The following SCGB1D4 variants were observed in gnomAD, a reference collection of about 807,000 sequenced individuals.
SCGB1D4 encodes IFN-gamma inducible SCGB (IIS).
A neutral mutation model predicts 8.1 loss-of-function variants in SCGB1D4; 6 were observed. The observed-to-expected ratio is 0.74, with a 90% confidence interval of 0.40 to 1.45. SCGB1D4 has a LOEUF of 1.45. Among genes scored for constraint, SCGB1D4 ranks in the 40% most tolerant of loss-of-function variants. The probability of loss-of-function intolerance (pLI) is 0.02; values close to 1 mark genes in which losing one functional copy is unlikely to be tolerated. For missense variants in SCGB1D4, 93 were observed against 95.0 expected (o/e 0.98, Z 0.09); for synonymous variants, 34 against 38.1 (o/e 0.89, Z 0.39).
intron 2 of SCGB1D4, 61 bp downstream of exon 2, chr11:62,297,411 T>G (rs1000592393): frequency 2.8e-5 from 36 of 1,295,292 alleles, no homozygotes; most frequent in Non-Finnish European, 3.5e-5. Flanking sequence ...ACAAGAAACA[T>G]GCAGGAGGCT....
At chr11:62,298,215 C>G (rs551893048) in intron 1 of SCGB1D4, among the ~76,000 whole-genome samples, 2 of 151,854 alleles carry the variant, frequency 1.3e-5, no homozygotes, top group African/African-American at 4.8e-5. Flanking sequence ...CAACCATAAC[C>G]TTACTTCATT....
chr11:62,297,085 T>G (rs879663134), intron 2 of SCGB1D4, among the ~76,000 whole-genome samples: 163 of 151,680 alleles, frequency 1.1e-3, no homozygotes, highest in Middle Eastern at 0.01. Context: ...GGATGAGGAG[T>G]GGATAGTGGG....
chr11:62,297,011 G>A (rs1377975643), intron 2 of SCGB1D4, among the ~76,000 whole-genome samples: 1 of 152,244 alleles, frequency 6.6e-6, no homozygotes. Flanking sequence ...CACTTGTGTG[G>A]CGTTGCAGTA....
At position 62,297,444 on chromosome 11, in the gene SCGB1D4, G is replaced by C. The variant is rs370576643; in HGVS notation, c.242+28C>G. 4.5e-6 allele frequency: 7 copies of C among 1,548,744 alleles called. No individual in the cohort carries two copies. In the African/African-American group the frequency reaches 9.6e-5, roughly 21 times the overall value. On this transcript the variant is annotated intron_variant, in intron 2 of 2. Transcript: ENST00000358585. ...GCTGTGTGCAGCTGAGTTGAATTCT[G>C]CCTCTGCATAAAGGAGAAAGAAATT...
intron 2 of SCGB1D4, among the ~76,000 whole-genome samples, chr11:62,296,735 C>T (rs970050325): frequency 6.6e-6 from 1 of 152,172 alleles, no homozygotes; most frequent in African/African-American, 2.4e-5. Context: ...TGTCCCAGGT[C>T]TGTGGAGTCT....
chr11:62,297,478 T>C lies in SCGB1D4; in HGVS notation c.236A>G (p.Lys79Arg), dbSNP rs764603785. 6.2e-7 allele frequency: 1 copy of C among 1,610,898 alleles called. No homozygotes were observed. The highest frequency in any genetic ancestry group is 1.7e-5 in the Admixed American group (1 of 59,560). The change falls in exon 2 of 3, where the codon AAG (lysine) becomes AGG (arginine). Residue 79 changes from lysine (K) to arginine (R), a missense_variant. Physicochemically the swap from Lys to Arg is conservative, Grantham distance 26 (BLOSUM62 2). Coordinates refer to ENST00000358585, the MANE Select transcript of SCGB1D4 (RefSeq NM_206998.2). ...TAAAGGAGAAAGAAATTACCAGGAC[T>C]TTTTCAATGAGAGTCGTTTCTTAAA... ...ISFKKRLSLKKSWWK is the reference protein window; with the variant it reads ...ISFKKRLSLKRSWWK
intron 1 of SCGB1D4, 82 bp from the exon 2 acceptor site, chr11:62,297,740 G>T: frequency 1.8e-6 from 2 of 1,127,132 alleles, no homozygotes; most frequent in Non-Finnish European, 1.3e-6. Context: ...CACCAGACAG[G>T]ATCCCCTGGG....
chr11:62,297,439 A>T, intron 2 of SCGB1D4, 33 bp downstream of exon 2: 1 of 1,537,734 alleles, frequency 6.5e-7, no homozygotes, highest in South Asian at 1.1e-5. Context: ...GCTGAGTTGA[A>T]TTCTGCCTCT....
intron 1 of SCGB1D4, 42 bp from the exon 2 acceptor site, chr11:62,297,700 C>A: frequency 1.3e-6 from 2 of 1,551,312 alleles, no homozygotes; most frequent in South Asian, 2.3e-5. Context: ...TTAGGAAAGT[C>A]GATTTTTCTC....
In SCGB1D4 at chr11:62,296,415, T is replaced by C; in HGVS notation, c.247A>G (p.Lys83Glu). 1 of 1,607,182 alleles carries C rather than the reference T, an allele frequency of 6.2e-7. No individual in the cohort carries two copies. Among genetic ancestry groups the C allele is most frequent in the Non-Finnish European group, 8.5e-7 (1 of 1,176,518 alleles). ...KRLSLKKSWWK is the reference protein window; with the variant it reads ...KRLSLKKSWWE ...TCACACACCACATTTTTTCACTATTTCCACCTGAAATCAAAAAAAAGAAAG... is the reference window on the plus strand; with the variant it reads ...TCACACACCACATTTTTTCACTATTCCCACCTGAAATCAAAAAAAAGAAAG... The change falls in exon 3 of 3, where the codon AAA (lysine) becomes GAA (glutamate). Residue 83 changes from lysine (K) to glutamate (E), a missense_variant. Lys to Glu is a moderately conservative substitution (Grantham distance 56). Coordinates refer to ENST00000358585, the MANE Select transcript of SCGB1D4 (RefSeq NM_206998.2).
intron 2 of SCGB1D4, among the ~76,000 whole-genome samples, chr11:62,297,139 C>T (rs1206610091): frequency 1.3e-5 from 2 of 152,176 alleles, no homozygotes; most frequent in African/African-American, 4.8e-5. Flanking sequence ...AGAAGCTGCA[C>T]AGGAGCCCAG....
intron 1 of SCGB1D4, among the ~76,000 whole-genome samples, chr11:62,297,916 C>T (rs779998234): frequency 6.6e-5 from 10 of 151,936 alleles, no homozygotes; most frequent in Non-Finnish European, 1.5e-4. Flanking sequence ...GGCACAATCT[C>T]GGCTCACTGC....
Position 62,297,653 on chromosome 11 carries a change from C to G in SCGB1D4, c.61G>C (p.Ala21Pro). The G allele has an allele frequency of 6.2e-7, 1 of 1,610,772 alleles. No individual in the cohort carries two copies. The highest frequency in any genetic ancestry group is 8.5e-7 in the Non-Finnish European group (1 of 1,178,942). Reference sequence around the variant, plus strand: ...GAAGCAACAGCTGGGCAGACAAGAGCATGGGCTGCAGCACAAAAATAAAAA... The same window carrying G: ...GAAGCAACAGCTGGGCAGACAAGAGGATGGGCTGCAGCACAAAAATAAAAA... Reference protein sequence around the residue: ...SLALCCYQAHALVCPAVASEI... With the variant: ...SLALCCYQAHPLVCPAVASEI... The change falls in exon 2 of 3, where the codon GCT becomes CCT. Residue 21 changes from alanine to proline, a missense_variant. By Grantham distance (27) the Ala-to-Pro change is conservative. Transcript: ENST00000358585.
chr11:62,297,663 A>G lies in SCGB1D4; in HGVS notation c.56-5T>C. The G allele has an allele frequency of 3.7e-6, 6 of 1,607,714 alleles. No individual in the cohort carries two copies. The highest frequency in any genetic ancestry group is 5.1e-6 in the Non-Finnish European group (6 of 1,177,632). On this transcript the variant is annotated splice_polypyrimidine_tract_variant and splice_region_variant and intron_variant, in intron 1 of 2. Coordinates refer to ENST00000358585, the MANE Select transcript of SCGB1D4 (RefSeq NM_206998.2). ...CTGGGCAGACAAGAGCATGGGCTGC[A>G]GCACAAAAATAAAAATATTGTTGAT...
At chr11:62,298,548 C>T (rs898930600) in intron 1 of SCGB1D4, among the ~76,000 whole-genome samples, 6 of 152,032 alleles carry the variant, frequency 3.9e-5, no homozygotes, top group African/African-American at 1.2e-4. Context: ...CATCTGAGGT[C>T]GGGAGTTCGA....
chr11:62,297,385 C>A (rs1945448851), intron 2 of SCGB1D4, 87 bp downstream of exon 2: 4 of 1,060,472 alleles, frequency 3.8e-6, no homozygotes, highest in South Asian at 1.5e-5. Context: ...GACACAGCAT[C>A]CAGGCAGGTG....
chr11:62,299,047 G>A lies in SCGB1D4; in HGVS notation c.-37C>T. 1 of 1,605,138 alleles carries A rather than the reference G, an allele frequency of 6.2e-7. No individual in the cohort carries two copies. The highest frequency in any genetic ancestry group is 8.5e-7 in the Non-Finnish European group (1 of 1,173,692). ...CGGCTGTGAGCTCAGCTTTCACAAT[G>A]AGTGATTTGGATTCGACTCCAGGAG... On this transcript the variant is annotated 5_prime_UTR_variant, in exon 1 of 3. Transcript: ENST00000358585.
chr11:62,297,943 G>T (rs1945456001), intron 1 of SCGB1D4, among the ~76,000 whole-genome samples: 1 of 151,630 alleles, frequency 6.6e-6, no homozygotes, highest in South Asian at 2.1e-4. Flanking sequence ...AATGTCTTGG[G>T]CTCAAGCGAT....
chr11:62,298,915 A>G, intron 1 of SCGB1D4, 41 bp downstream of exon 1: 1 of 1,602,886 alleles, frequency 6.2e-7, no homozygotes, highest in Non-Finnish European at 8.5e-7. Context: ...AAGAGGGTGC[A>G]TCCCAGGGGC....
Sources: allele counts gnomAD v4.1 joint callset (sites outside exome capture counted in the v4.1 genomes callset), GRCh38; gene constraint gnomAD v4.1.1; transcripts MANE v1.5; gene names NCBI Gene and HGNC (gene_info 2026-07-23, HGNC 2026-07-21).